Variants in LEKR1 observed in about 807,000 individuals in gnomAD.
LEKR1 encodes protein LEKR1.
A neutral mutation model predicts 72.4 loss-of-function variants in LEKR1; 59 were observed. The observed-to-expected ratio is 0.82, with a 90% CI of 0.66 to 1.01. LEKR1 has a LOEUF of 1.01. Among genes scored for constraint, LEKR1 ranks in the 50% least tolerant of loss-of-function variants. The pLI is 0.00. For missense variants in LEKR1, 728 were observed against 759.2 expected (o/e 0.96, Z 0.48); for synonymous variants, 257 against 263.2 (o/e 0.98, Z 0.23).
At chr3:156,959,429 T>G (rs1320159006) in intron 6 of LEKR1, among the ~76,000 whole-genome samples, 2 of 152,194 alleles carry the variant, frequency 1.3e-5, no homozygotes, top group African/African-American at 2.4e-5. Flanking sequence ...TTTTACCAAC[T>G]TCTCTGCAGT....
At chr3:156,872,394 T>G (rs373558380) in intron 3 of LEKR1, among the ~76,000 whole-genome samples, 2 of 152,042 alleles carry the variant, frequency 1.3e-5, no homozygotes, top group East Asian at 3.8e-4. Flanking sequence ...ACTTTTCATT[T>G]CATTGATCCT....
chr3:156,875,203 G>T (rs1319813987), intron 3 of LEKR1, among the ~76,000 whole-genome samples: 2 of 151,942 alleles, frequency 1.3e-5, no homozygotes, highest in African/African-American at 2.4e-5. Context: ...ATTATTTTTT[G>T]ATTTTTTAAT....
At chr3:156,852,393 G>A (rs1325050946) in intron 2 of LEKR1, among the ~76,000 whole-genome samples, 2 of 152,166 alleles carry the variant, frequency 1.3e-5, no homozygotes, top group African/African-American at 4.8e-5. Context: ...GAACAGAGCA[G>A]TTTGCAATTA....
intron 3 of LEKR1, among the ~76,000 whole-genome samples, chr3:156,856,777 T>C (rs1716111335): frequency 1.3e-5 from 2 of 152,222 alleles, no homozygotes; most frequent in South Asian, 4.1e-4. Context: ...ATTAGTTGTT[T>C]GAATTTTTTA....
chr3:156,909,721 A>C (rs928618720), intron 3 of LEKR1, among the ~76,000 whole-genome samples: 2 of 150,708 alleles, frequency 1.3e-5, no homozygotes, highest in African/African-American at 2.4e-5. Context: ...GATCCTTTCC[A>C]TTTCTGTGAG....
chr3:156,953,122 A>G (rs1727313441), intron 6 of LEKR1, among the ~76,000 whole-genome samples: 1 of 150,984 alleles, frequency 6.6e-6, no homozygotes, highest in South Asian at 2.1e-4. Flanking sequence ...TTTGGAGGCA[A>G]TCAGAATTAG....
intron 2 of LEKR1, among the ~76,000 whole-genome samples, chr3:156,845,444 C>T (rs1366091139): frequency 6.6e-6 from 1 of 151,504 alleles, no homozygotes; most frequent in African/African-American, 2.4e-5. Context: ...TATTATTTTC[C>T]TAAAAATATT....
intron 2 of LEKR1, 40 bp downstream of exon 2, chr3:156,829,417 A>G (rs1303293751): frequency 2.9e-6 from 4 of 1,401,722 alleles, no homozygotes; most frequent in African/African-American, 1.4e-5. Context: ...CAGTGGGAAC[A>G]TGTAGCAGTT....
At chr3:156,945,075 A>T (rs1324090260) in intron 6 of LEKR1, among the ~76,000 whole-genome samples, 1 of 151,584 alleles carries the variant, frequency 6.6e-6, no homozygotes. Flanking sequence ...ACTTTGCCAG[A>T]ATTTCTATTT....
At chr3:156,959,655 G>T (rs994218984) in intron 6 of LEKR1, among the ~76,000 whole-genome samples, 3 of 151,692 alleles carry the variant, frequency 2.0e-5, no homozygotes, top group African/African-American at 7.3e-5. Context: ...CTATACTGTG[G>T]CCTTTTATTA....
intron 3 of LEKR1, among the ~76,000 whole-genome samples, chr3:156,910,988 G>A (rs1228382439): frequency 2.6e-5 from 4 of 151,964 alleles, no homozygotes; most frequent in South Asian, 2.1e-4. Context: ...TCTGCAGCCC[G>A]GCCAGCATGT....
intron 4 of LEKR1, among the ~76,000 whole-genome samples, chr3:156,926,220 G>C (rs1342141043): frequency 2.0e-5 from 3 of 151,930 alleles, no homozygotes; most frequent in Non-Finnish European, 4.4e-5. Flanking sequence ...ACTTCAGGGA[G>C]ACCATCTAAG....
In LEKR1 at chr3:157,045,659, A is replaced by G. The variant is rs770108250; in HGVS notation, c.1988A>G (p.Gln663Arg). Residue 663 changes from glutamine to arginine, a missense_variant, in exon 13 of 13, where the codon CAG (glutamine) becomes CGG (arginine). Coordinates refer to ENST00000356539, the MANE Select transcript of LEKR1 (RefSeq NM_001004316.3). ...RVRSGVPILP[Q>R]PHPPRGGASS... The stretch of plus-strand genomic sequence containing the variant: ...AGATCAGGCGTGCCCATTCTCCCCC[A>G]GCCACATCCTCCCAGGGGTGGAGCA... The G allele has an allele frequency of 7.4e-5, 119 of 1,613,976 alleles. No homozygotes were observed. Among genetic ancestry groups the G allele is most frequent in the Non-Finnish European group, 9.5e-5 (112 of 1,180,006 alleles).
At position 156,945,467 on chromosome 3, in the gene LEKR1, T is replaced by C. The variant is rs902196183; in HGVS notation, c.745+2753T>C. ...GTTTTTAACTTGATATGATCCCATT[T>C]GTCCATTTTTGCTTTGGCTGCCTGC... On this transcript the variant is annotated intron_variant, in intron 6 of 12. Coordinates refer to ENST00000356539, the MANE Select transcript of LEKR1 (RefSeq NM_001004316.3). Among the ~76,000 whole-genome samples the C allele has an allele frequency of 6.6e-5, 10 of 151,906 alleles. No homozygotes were observed. The East Asian group carries it at 1.7e-3, about 26-fold the overall frequency.
intron 4 of LEKR1, among the ~76,000 whole-genome samples, chr3:156,924,315 G>A (rs1329325639): frequency 6.6e-6 from 1 of 151,952 alleles, no homozygotes; most frequent in African/African-American, 2.4e-5. Flanking sequence ...TTTTTAATTG[G>A]TTTATTTTCT....
At chr3:156,993,534 A>G (rs1455343112) in intron 9 of LEKR1, among the ~76,000 whole-genome samples, 1 of 151,524 alleles carries the variant, frequency 6.6e-6, no homozygotes, top group Non-Finnish European at 1.5e-5. Flanking sequence ...TTGGTGTCAA[A>G]TTCTTCTTGA....
At chr3:156,909,655 CAAA>C (rs10662704) in intron 3 of LEKR1, among the ~76,000 whole-genome samples, 4 of 101,874 alleles carry the variant, frequency 3.9e-5, no homozygotes, top group Admixed American at 9.0e-5. Context: ...GAGTCTGTCT[CAAA>C]AAAAAAAAAA....
At chr3:156,997,316 C>T (rs942248485) in intron 9 of LEKR1, among the ~76,000 whole-genome samples, 2 of 152,214 alleles carry the variant, frequency 1.3e-5, no homozygotes, top group African/African-American at 4.8e-5. Context: ...GACCCTGTCT[C>T]AGCTTAGCAA....
chr3:156,905,797 A>C (rs1722469294), intron 3 of LEKR1, among the ~76,000 whole-genome samples: 1 of 152,200 alleles, frequency 6.6e-6, no homozygotes, highest in Non-Finnish European at 1.5e-5. Flanking sequence ...TATAGAAGCC[A>C]CTTCTCATAA....
Sources: gnomAD v4.1 joint callset for allele counts (sites outside exome capture counted in the v4.1 genomes callset) on GRCh38, gnomAD v4.1.1 for gene constraint, MANE v1.5 for transcripts, NCBI Gene and HGNC (gene_info 2026-07-23, HGNC 2026-07-21) for gene names.